Variants in COLGALT2 observed in about 807,000 individuals in gnomAD.
The protein encoded by COLGALT2 is collagen beta(1-O)galactosyltransferase 2.
In COLGALT2, 49 loss-of-function variants were observed where a neutral mutation model predicts 73.4. That is an observed-to-expected ratio of 0.67 (90% confidence interval 0.53 to 0.85). The LOEUF is 0.85. Among genes scored for constraint, COLGALT2 ranks in the 40% least tolerant of loss-of-function variants. The pLI is 0.00. For synonymous variants in COLGALT2, 295 were observed against 307.6 expected, an observed-to-expected ratio of 0.96 and a Z score of 0.43; for missense variants, 722 against 790.2, an observed-to-expected ratio of 0.91 and a Z score of 1.03.
intron 6 of COLGALT2, 44 bp from the exon 7 acceptor site, chr1:183,954,882 G>C: frequency 6.8e-7 from 1 of 1,466,114 alleles, no homozygotes; most frequent in Non-Finnish European, 9.6e-7. Context: ...TTAATGAAAG[G>C]GTCAGAAATC....
At chr1:183,933,848 C>T (rs540802211), downstream of COLGALT2, among the ~76,000 whole-genome samples, 4 of 152,124 alleles carry the variant, frequency 2.6e-5, no homozygotes, top group Non-Finnish European at 4.4e-5. Context: ...ATTACAGGGA[C>T]GGGCATAAAA....
intron 1 of COLGALT2, among the ~76,000 whole-genome samples, chr1:184,001,457 C>G (rs1671923666): frequency 6.6e-6 from 1 of 152,068 alleles, no homozygotes; most frequent in African/African-American, 2.4e-5. Flanking sequence ...TTCTGGAATT[C>G]CAACAAGCAT....
chr1:183,947,381 T>C (rs1268663607), intron 8 of COLGALT2, among the ~76,000 whole-genome samples: 1 of 152,196 alleles, frequency 6.6e-6, no homozygotes, highest in African/African-American at 2.4e-5. Flanking sequence ...AGTGTCAGTA[T>C]ACTTAAAAGG....
chr1:183,973,794 A>G (rs762833610), intron 3 of COLGALT2, 44 bp from the exon 4 acceptor site: 1 of 1,594,710 alleles, frequency 6.3e-7, no homozygotes, highest in Non-Finnish European at 8.6e-7. Flanking sequence ...GGTACTTTTC[A>G]GTAATGAGTT....
At chr1:183,930,311 T>C (rs1300554203) in intron 11 of COLGALT2, 3 of 455,884 alleles carry the variant, frequency 6.6e-6, no homozygotes, top group East Asian at 7.0e-5. Flanking sequence ...AGAGGAAGAG[T>C]TGAAGAAAGA....
intron 6 of COLGALT2, among the ~76,000 whole-genome samples, chr1:183,956,641 T>A (rs890284457): frequency 7.2e-5 from 11 of 152,210 alleles, no homozygotes; most frequent in Non-Finnish European, 1.5e-5. Context: ...TGGACTCACA[T>A]GGCCTGTGTG....
intron 1 of COLGALT2, among the ~76,000 whole-genome samples, chr1:184,019,589 A>G (rs1324774766): frequency 6.6e-6 from 1 of 152,220 alleles, no homozygotes; most frequent in African/African-American, 2.4e-5. Flanking sequence ...CAAAGCCTCA[A>G]AGAATCAAAA....
chr1:184,004,418 T>C (rs1229741235), intron 1 of COLGALT2, among the ~76,000 whole-genome samples: 1 of 152,204 alleles, frequency 6.6e-6, no homozygotes, highest in Non-Finnish European at 1.5e-5. Context: ...ATCAGAAATA[T>C]GCAAAGAATA....
At chr1:183,998,861 TA>T (rs1671841317) in intron 1 of COLGALT2, among the ~76,000 whole-genome samples, 1 of 152,108 alleles carries the variant, frequency 6.6e-6, no homozygotes, top group Admixed American at 6.5e-5. Flanking sequence ...ATCTGTTAGA[TA>T]CTCAGTTGGT....
intron 1 of COLGALT2, 98 bp downstream of exon 1, chr1:184,036,997 G>C (rs1407555547): frequency 1.9e-6 from 2 of 1,056,770 alleles, no homozygotes; most frequent in Admixed American, 4.5e-5. Flanking sequence ...CCCCTCCAGC[G>C]GCTCCCTCGC....
chr1:183,975,370 C>T (rs976842512), intron 2 of COLGALT2, among the ~76,000 whole-genome samples, 156 bp from the exon 3 acceptor site: 11 of 152,006 alleles, frequency 7.2e-5, no homozygotes, highest in African/African-American at 1.7e-4. Context: ...ATGAGGAAAC[C>T]GGAGCAATGA....
intron 1 of COLGALT2, among the ~76,000 whole-genome samples, chr1:183,999,111 T>A (rs1223751700): frequency 2.0e-5 from 3 of 152,132 alleles, no homozygotes; most frequent in Non-Finnish European, 4.4e-5. Flanking sequence ...TGGCTTTTCT[T>A]ATTGTTTTGT....
chr1:183,937,796 C>A lies in COLGALT2; in HGVS notation c.*965G>T. The A allele has an allele frequency of 1.0e-6, 1 of 985,406 alleles. No homozygotes were observed. The highest frequency in any genetic ancestry group is 1.1e-4 in the East Asian group (1 of 8,814). 61.0% of individuals were successfully genotyped at this position (985,406 alleles called of 1,614,324 possible). A position where few individuals can be genotyped will look rare whatever the true frequency, so the allele number is the denominator to read the frequency against. On this transcript the variant is annotated 3_prime_UTR_variant, in exon 12 of 12. Transcript: ENST00000361927. Reference sequence around the variant, plus strand: ...TCAAAATATAATGAAAAAACTCTGGCAAGGATAGTTGCTGGCCTGAAAATG... The same window carrying A: ...TCAAAATATAATGAAAAAACTCTGGAAAGGATAGTTGCTGGCCTGAAAATG...
At chr1:183,996,842 T>G (rs1184732569) in intron 1 of COLGALT2, among the ~76,000 whole-genome samples, 1 of 152,210 alleles carries the variant, frequency 6.6e-6, no homozygotes, top group African/African-American at 2.4e-5. Context: ...CTATTATAAA[T>G]GGGGTGAATA....
At chr1:184,022,457 C>T (rs74133804) in intron 1 of COLGALT2, among the ~76,000 whole-genome samples, 5,037 of 152,170 alleles carry the variant, frequency 0.033, 267 homozygotes, top group African/African-American at 0.11. Context: ...TGGAGCCAAA[C>T]AAACGATGTT....
rs528321890 is a variant in COLGALT2, at chr1:183,941,657, C to T, written c.1398-870G>A. Among the ~76,000 whole-genome samples the T allele has an allele frequency of 1.8e-4, 27 of 152,330 alleles. 1 individual carries two copies. In the South Asian group the frequency reaches 5.4e-3, roughly 30 times the overall value. On this transcript the variant is annotated intron_variant, in intron 10 of 11. Transcript: ENST00000361927. ...TCTTTCAACATTCAAGGGATTCCCC[C>T]TTGTGAAAGCATCCCAGGATTTGTA...
Position 183,938,954 on chromosome 1 carries a change from G to A in COLGALT2, c.1688C>T (p.Thr563Ile). ...GTCACTCAGGTACCCCGGCTGGCCTGTGTAGTGCGTAGGGTAGATGAGCAA... is the reference window on the plus strand; with the variant it reads ...GTCACTCAGGTACCCCGGCTGGCCTATGTAGTGCGTAGGGTAGATGAGCAA... ...EPLLIYPTHY[T>I]GQPGYLSDTE... is the part of the protein sequence containing the mutation. The change falls in exon 12 of 12, where the codon ACA becomes ATA. Residue 563 changes from threonine (T) to isoleucine (I), a missense_variant. Thr to Ile is a moderately conservative substitution (Grantham distance 89, BLOSUM62 -1). Coordinates refer to ENST00000361927, the MANE Select transcript of COLGALT2 (RefSeq NM_015101.4). 6.2e-7 allele frequency: 1 copy of A among 1,614,182 alleles called. No homozygotes were observed. The highest frequency in any genetic ancestry group is 8.5e-7 in the Non-Finnish European group (1 of 1,180,034).
chr1:184,010,821 C>T (rs192838989), intron 1 of COLGALT2, among the ~76,000 whole-genome samples: 2 of 152,196 alleles, frequency 1.3e-5, no homozygotes, highest in Admixed American at 6.5e-5. Flanking sequence ...GTACTGGCCA[C>T]CTTTCACAAC....
chr1:183,998,516 C>A lies in COLGALT2; in HGVS notation c.264-19996G>T, dbSNP rs563276604. On this transcript the variant is annotated intron_variant, in intron 1 of 11. Coordinates refer to ENST00000361927, the MANE Select transcript of COLGALT2 (RefSeq NM_015101.4). The stretch of plus-strand genomic sequence containing the variant: ...TTAGGATGTCTTTTGATAGAAAGTC[C>A]CCTCATCTTATTGTTTTGCTTTTTG... Among the ~76,000 whole-genome samples, 6 of 151,992 alleles carry A rather than the reference C, an allele frequency of 3.9e-5. 1 individual carries two copies. The South Asian group carries it at 1.2e-3, about 32-fold the overall frequency.
Sources: allele counts gnomAD v4.1 joint callset (sites outside exome capture counted in the v4.1 genomes callset), GRCh38; gene constraint gnomAD v4.1.1; transcripts MANE v1.5; gene names NCBI Gene and HGNC (gene_info 2026-07-23, HGNC 2026-07-21).